The following PHIP variants were observed in gnomAD, a reference collection of about 807,000 sequenced individuals.
PHIP encodes the protein PH-interacting protein.
PHIP carries 54 observed loss-of-function variants against 236.8 expected under a neutral mutation model. That is an observed-to-expected ratio of 0.23 (90% CI 0.18 to 0.29). The LOEUF (loss-of-function observed/expected upper bound fraction) is 0.29. Ranked by LOEUF, PHIP falls within the 10% of genes least tolerant of loss-of-function variation. PHIP has a pLI of 1.00. For synonymous variants in PHIP, 756 were observed against 718.9 expected (o/e 1.05, Z -0.83); for missense variants, 1,370 against 2,190.8 (o/e 0.63, Z 7.48).
intron 25 of PHIP, 72 bp from the exon 26 acceptor site, chr6:78,970,245 G>A: frequency 7.5e-7 from 1 of 1,325,574 alleles, no homozygotes; most frequent in Non-Finnish European, 1.1e-6. Context: ...AAACATTGTT[G>A]AGAAAAAACT....
intron 27 of PHIP, among the ~76,000 whole-genome samples, chr6:78,966,550 TACTC>T (rs751862499): frequency 2.4e-4 from 37 of 152,142 alleles, no homozygotes; most frequent in Non-Finnish European, 5.0e-4. Context: ...TCACCCTTAA[TACTC>T]ACTCACTCTC....
intron 7 of PHIP, among the ~76,000 whole-genome samples, chr6:79,033,151 T>TG (rs1324410574): frequency 3.5e-4 from 54 of 152,166 alleles, no homozygotes; most frequent in African/African-American, 1.2e-3. Context: ...CATCCAGACT[T>TG]TGTAGTTCCC....
chr6:79,050,308 A>C (rs911761322), intron 6 of PHIP, among the ~76,000 whole-genome samples: 1 of 152,146 alleles, frequency 6.6e-6, no homozygotes, highest in Non-Finnish European at 1.5e-5. Flanking sequence ...AATATTTTAC[A>C]TATATTCTCA....
Position 78,934,513 on chromosome 6 carries a change from A to G in PHIP, c.*6180T>C, listed in dbSNP as rs560595353. 7.9e-5 allele frequency among the ~76,000 whole-genome samples: 12 copies of G among 152,356 alleles called. No individual in the cohort carries two copies. The East Asian group carries it at 1.3e-3, about 17-fold the overall frequency. On this transcript the variant is annotated 3_prime_UTR_variant, in exon 40 of 40. Transcript: ENST00000275034. ...ACAATAGTGTGTTGTAAAAACATTA[A>G]AAGTCCTTCTGCTAAGGGTTCAGAA...
chr6:78,946,504 G>T, intron 37 of PHIP: 1 of 1,393,110 alleles, frequency 7.2e-7, no homozygotes, highest in Non-Finnish European at 9.3e-7. Flanking sequence ...CTGTTTTACT[G>T]TATAGATTTA....
intron 7 of PHIP, among the ~76,000 whole-genome samples, chr6:79,036,029 G>A (rs1771913400): frequency 6.6e-6 from 1 of 152,120 alleles, no homozygotes. Flanking sequence ...ATTACGGTAA[G>A]GAATATAAGC....
intron 35 of PHIP, among the ~76,000 whole-genome samples, chr6:78,949,263 G>A (rs928525397): frequency 2.6e-5 from 4 of 152,056 alleles, no homozygotes; most frequent in Non-Finnish European, 5.9e-5. Context: ...GGCCAATGAT[G>A]ATCTGGTACC....
chr6:78,951,499 T>C (rs1774146423), intron 35 of PHIP, among the ~76,000 whole-genome samples: 2 of 152,234 alleles, frequency 1.3e-5, no homozygotes, highest in South Asian at 2.1e-4. Flanking sequence ...TAAAGGATGA[T>C]ACAGTTAATT....
chr6:78,985,405 A>G lies in PHIP; in HGVS notation c.2484T>C (p.Ser828=), dbSNP rs1197733099. The G allele has an allele frequency of 1.3e-6, 2 of 1,592,348 alleles. No individual in the cohort carries two copies. The highest frequency in any genetic ancestry group is 1.1e-5 in the South Asian group (1 of 90,592). ...TCTCTTCTTCTTCGGATGTTCCACC[A>G]CTGACAGCAACTACTTCGCCTTCCT... ...SSDEGEVVAV[S]GGTSEEEERA... Residue 828 remains serine, a synonymous_variant, in exon 22 of 40, where the codon AGT becomes AGC. Coordinates refer to ENST00000275034, the MANE Select transcript of PHIP (RefSeq NM_017934.7).
Position 78,939,775 on chromosome 6 carries a change from A to T in PHIP, c.*918T>A, listed in dbSNP as rs917343641. 8.5e-5 allele frequency: 13 copies of T among 152,308 alleles called. No individual in the cohort carries two copies. Among genetic ancestry groups the T allele is most frequent in the African/African-American group, 2.9e-4 (12 of 41,406 alleles). 9.4% of individuals were successfully genotyped at this position (152,308 alleles called of 1,614,324 possible). On this transcript the variant is annotated 3_prime_UTR_variant, in exon 40 of 40. Transcript: ENST00000275034. ...TTTTCCTTGAATCCTTTAACCACTTAAACATTTCCTCTAGAACATCTCTGT... is the reference window on the plus strand; with the variant it reads ...TTTTCCTTGAATCCTTTAACCACTTTAACATTTCCTCTAGAACATCTCTGT...
rs1774281844 is a variant in PHIP at position 79,078,049 on chromosome 6, C to T, written c.20G>A (p.Gly7Asp). MSCERK[G>D]LSELRSELYF... is the part of the protein sequence containing the mutation. The stretch of plus-strand genomic sequence containing the variant: ...CTTACCCGATCGCAGCTCCGAGAGG[C>T]CTTTCCTCTCACAAGACATGTTTAT... Residue 7 changes from glycine to aspartate, a missense_variant, in exon 1 of 40, where the codon GGC becomes GAC. Coordinates refer to ENST00000275034, the MANE Select transcript of PHIP (RefSeq NM_017934.7). The T allele has an allele frequency of 1.2e-6, 2 of 1,609,442 alleles. No homozygotes were observed. Among genetic ancestry groups the T allele is most frequent in the Non-Finnish European group, 1.7e-6 (2 of 1,179,444 alleles).
chr6:79,035,729 T>C (rs1049370361), intron 7 of PHIP, among the ~76,000 whole-genome samples: 1 of 152,212 alleles, frequency 6.6e-6, no homozygotes, highest in Non-Finnish European at 1.5e-5. Flanking sequence ...TTTACTACAA[T>C]TTCATTTTCC....
chr6:79,060,903 C>G, intron 4 of PHIP, 85 bp from the exon 5 acceptor site: 2 of 888,170 alleles, frequency 2.3e-6, no homozygotes, highest in Non-Finnish European at 3.4e-6. Context: ...AAAATTCATC[C>G]AAGTATAAAA....
chr6:78,963,753 G>C (rs1010573274), intron 29 of PHIP, among the ~76,000 whole-genome samples: 6 of 152,176 alleles, frequency 3.9e-5, no homozygotes, highest in Admixed American at 1.3e-4. Context: ...CTGCATGCTT[G>C]AATCTTTAAC....
chr6:79,061,594 T>C (rs1773383008), intron 4 of PHIP, among the ~76,000 whole-genome samples: 1 of 152,074 alleles, frequency 6.6e-6, no homozygotes, highest in African/African-American at 2.4e-5. Flanking sequence ...GGAATAATTA[T>C]TATAAAAATG....
In PHIP at chr6:79,018,788, C is replaced by T. The variant is rs1007940392; in HGVS notation, c.994+301G>A. 1.2e-4 allele frequency among the ~76,000 whole-genome samples: 18 copies of T among 151,884 alleles called. No individual in the cohort carries two copies. The East Asian group carries it at 3.3e-3, about 28-fold the overall frequency. Reference sequence around the variant, plus strand: ...TTAAAATACCATTCTTACAATGAAACAACTATTTAAACATTCATTCTTTAA... The same window carrying T: ...TTAAAATACCATTCTTACAATGAAATAACTATTTAAACATTCATTCTTTAA... On this transcript the variant is annotated intron_variant, in intron 10 of 39. Coordinates refer to ENST00000275034, the MANE Select transcript of PHIP (RefSeq NM_017934.7).
At position 79,060,669 on chromosome 6, in the gene PHIP, T is replaced by A; in HGVS notation, c.339A>T (p.Lys113Asn). ...AGRQSLLRTNKSCKHVVWKGS... is the reference protein window; with the variant it reads ...AGRQSLLRTNNSCKHVVWKGS... Reference sequence around the variant, plus strand: ...AATCCTATGAGAAAATTTTCATACTTTTATTTGTGCGTAGTAAAGACTGTC... The same window carrying A: ...AATCCTATGAGAAAATTTTCATACTATTATTTGTGCGTAGTAAAGACTGTC... Residue 113 changes from lysine (K) to asparagine (N), a missense_variant and splice_region_variant, in exon 5 of 40, where the codon AAA becomes AAT. Transcript: ENST00000275034. The A allele has an allele frequency of 6.2e-7, 1 of 1,610,792 alleles. No homozygotes were observed. The highest frequency in any genetic ancestry group is 2.2e-5 in the East Asian group (1 of 44,848).
At chr6:79,026,817 T>C (rs976357736) in intron 7 of PHIP, among the ~76,000 whole-genome samples, 2 of 151,864 alleles carry the variant, frequency 1.3e-5, no homozygotes, top group African/African-American at 4.8e-5. Flanking sequence ...AAAATAGAGA[T>C]AGAACATTCA....
rs1277320493 is a variant in PHIP, at chr6:79,066,275, T to C, written c.190-5457A>G. On this transcript the variant is annotated intron_variant, in intron 4 of 39. Coordinates refer to ENST00000275034, the MANE Select transcript of PHIP (RefSeq NM_017934.7). ...ATTATACTAATATAGCTAACACATA[T>C]TGGCTGCACACTGAATGCCAGGCCC... 6.6e-5 allele frequency among the ~76,000 whole-genome samples: 10 copies of C among 152,334 alleles called. No individual in the cohort carries two copies. The East Asian group carries it at 1.5e-3, about 23-fold the overall frequency.
Sources: allele counts gnomAD v4.1 joint callset (sites outside exome capture counted in the v4.1 genomes callset), GRCh38; gene constraint gnomAD v4.1.1; transcripts MANE v1.5; gene names NCBI Gene and HGNC (gene_info 2026-07-23, HGNC 2026-07-21).